Variants in COTL1 observed in about 807,000 individuals in gnomAD.
COTL1 encodes coactosin-like protein.
A neutral mutation model predicts 16.5 loss-of-function variants in COTL1; 15 were observed. The observed-to-expected ratio is 0.91, with a 90% CI of 0.61 to 1.40. The LOEUF (loss-of-function observed/expected upper bound fraction) is 1.40. Among genes scored for constraint, COTL1 ranks in the 40% most tolerant of loss-of-function variants. The pLI, the probability that COTL1 is intolerant of heterozygous loss-of-function variation, is 0.00. For synonymous variants in COTL1, 112 were observed against 85.3 expected (o/e 1.31, Z -1.73); for missense variants, 220 against 201.5 (o/e 1.09, Z -0.56).
At chr16:84,611,766 G>A (rs1425377369) in intron 2 of COTL1, among the ~76,000 whole-genome samples, 1 of 152,202 alleles carries the variant, frequency 6.6e-6, no homozygotes, top group African/African-American at 2.4e-5. Flanking sequence ...GTTTAGTCTT[G>A]CTTTATGAGT....
chr16:84,590,009 G>T lies in COTL1; in HGVS notation c.318+96C>A. 1 of 1,270,888 alleles carries T rather than the reference G, an allele frequency of 7.9e-7. No homozygotes were observed. Among genetic ancestry groups the T allele is most frequent in the Non-Finnish European group, 1.1e-6 (1 of 907,664 alleles). The allele number at this position is 1,270,888 out of a possible 1,614,324, so 78.7% of individuals were successfully genotyped here. ...ATGGCTTGTCCCAAGTCACAGCTAA[G>T]CTACAGACCCAGGAGTCGAACCCAG... On this transcript the variant is annotated intron_variant, in intron 3 of 3. Coordinates refer to ENST00000262428, the MANE Select transcript of COTL1 (RefSeq NM_021149.5). This position sits in a 1 kb window ranked among gnomAD's most constrained non-coding sequence, Gnocchi z 5.5.
chr16:84,611,662 A>T (rs1450448329), intron 2 of COTL1, among the ~76,000 whole-genome samples: 2 of 152,236 alleles, frequency 1.3e-5, no homozygotes, highest in African/African-American at 4.8e-5. Context: ...ATGAATAAAC[A>T]GGAGAATGAA....
chr16:84,572,553 T>C (rs1319167598), intron 3 of COTL1, among the ~76,000 whole-genome samples: 1 of 151,850 alleles, frequency 6.6e-6, no homozygotes, highest in Non-Finnish European at 1.5e-5. Context: ...CTCAACCTCC[T>C]AGGTTCAAGC....
chr16:84,581,754 C>G (rs1226467376), intron 3 of COTL1, among the ~76,000 whole-genome samples: 1 of 152,156 alleles, frequency 6.6e-6, no homozygotes, highest in Non-Finnish European at 1.5e-5. Context: ...ATCTACCCGC[C>G]TTGGCCTCCC....
intron 2 of COTL1, among the ~76,000 whole-genome samples, chr16:84,611,365 T>A (rs532210427): frequency 1.4e-4 from 21 of 152,374 alleles, no homozygotes; most frequent in Middle Eastern, 3.4e-3. Context: ...CGTAGCCATT[T>A]TTAAACTGGT....
intron 2 of COTL1, among the ~76,000 whole-genome samples, chr16:84,604,638 C>T (rs906457165): frequency 1.3e-5 from 2 of 152,048 alleles, no homozygotes; most frequent in East Asian, 1.9e-4. Flanking sequence ...CACACAGCAG[C>T]CAGGTTTGGC....
intron 3 of COTL1, chr16:84,576,281 G>GA (rs1904452392): frequency 6.6e-6 from 1 of 152,254 alleles, no homozygotes; most frequent in African/African-American, 2.4e-5. Context: ...CCAATGCAGA[G>GA]AATGTGGGTG....
intron 3 of COTL1, among the ~76,000 whole-genome samples, chr16:84,578,891 G>A (rs111210010): frequency 2.0e-5 from 3 of 148,750 alleles, no homozygotes; most frequent in Admixed American, 6.7e-5. Flanking sequence ...ACACACAGAC[G>A]CATGCACACA....
intron 3 of COTL1, among the ~76,000 whole-genome samples, chr16:84,584,301 G>A (rs1410032641): frequency 6.6e-6 from 1 of 152,244 alleles, no homozygotes; most frequent in African/African-American, 2.4e-5. Flanking sequence ...GTCTTGTTTT[G>A]TCTTGTTTTC....
chr16:84,578,081 T>C (rs1409194611), intron 3 of COTL1, among the ~76,000 whole-genome samples: 2 of 152,174 alleles, frequency 1.3e-5, no homozygotes, highest in Non-Finnish European at 2.9e-5. Flanking sequence ...AAATTAATCA[T>C]GGCACTTTCC....
chr16:84,609,174 G>A (rs560323286), intron 2 of COTL1, among the ~76,000 whole-genome samples: 4 of 152,310 alleles, frequency 2.6e-5, no homozygotes, highest in South Asian at 2.1e-4. Context: ...AAAACAGCAC[G>A]ATAAATAGAC....
intron 3 of COTL1, among the ~76,000 whole-genome samples, chr16:84,583,958 G>C (rs1012807129): frequency 6.6e-6 from 1 of 152,184 alleles, no homozygotes; most frequent in Non-Finnish European, 1.5e-5. Context: ...TCAATAAAAG[G>C]ATCAGGTGAA....
chr16:84,571,099 C>A (rs1327201196), intron 3 of COTL1, among the ~76,000 whole-genome samples: 1 of 152,202 alleles, frequency 6.6e-6, no homozygotes, highest in African/African-American at 2.4e-5. Context: ...TCCTGACATA[C>A]TGCCTCCAGG....
At chr16:84,570,970 T>C (rs1904326501) in intron 3 of COTL1, among the ~76,000 whole-genome samples, 1 of 151,368 alleles carries the variant, frequency 6.6e-6, no homozygotes, top group Non-Finnish European at 1.5e-5. Context: ...TTTTTTTTCC[T>C]TTTTTGCCTC....
intron 3 of COTL1, among the ~76,000 whole-genome samples, chr16:84,580,831 G>A (rs1363197733): frequency 6.6e-6 from 1 of 152,134 alleles, no homozygotes; most frequent in Non-Finnish European, 1.5e-5. Context: ...TTTCAATTGT[G>A]CAATTTGTGT....
At chr16:84,607,842 G>A (rs1001121267) in intron 2 of COTL1, among the ~76,000 whole-genome samples, 2 of 152,108 alleles carry the variant, frequency 1.3e-5, no homozygotes, top group East Asian at 1.9e-4. Flanking sequence ...GTAGATGCTC[G>A]AGAAATGTCC....
At chr16:84,617,627 T>C (rs373858893) in intron 1 of COTL1, 44 bp from the exon 2 acceptor site, 235 of 1,486,636 alleles carry the variant, frequency 1.6e-4, no homozygotes, top group Non-Finnish European at 2.1e-4. Context: ...ACATCAGCGC[T>C]GGTGGCCGCG....
At chr16:84,603,107 C>T (rs1432548690) in intron 2 of COTL1, among the ~76,000 whole-genome samples, 1 of 152,178 alleles carries the variant, frequency 6.6e-6, no homozygotes, top group Non-Finnish European at 1.5e-5. Flanking sequence ...CTCTCTGCCC[C>T]CCAGTTCCCC....
Position 84,578,544 on chromosome 16 carries a change from A to T in COTL1, c.318+11561T>A, listed in dbSNP as rs553562682. Among the ~76,000 whole-genome samples, 9 of 152,304 alleles carry T rather than the reference A, an allele frequency of 5.9e-5. No homozygotes were observed. The East Asian group carries it at 1.3e-3, about 23-fold the overall frequency. ...GCCAGCAGATCACAGGATTCACTCC[A>T]CGCCAGGGAACTCACCAGGTGGAGG... On this transcript the variant is annotated intron_variant, in intron 3 of 3. Coordinates refer to ENST00000262428, the MANE Select transcript of COTL1 (RefSeq NM_021149.5).
Sources: allele counts gnomAD v4.1 joint callset (sites outside exome capture counted in the v4.1 genomes callset), GRCh38; gene constraint gnomAD v4.1.1; non-coding constraint Gnocchi (gnomAD v3.1); transcripts MANE v1.5; gene names NCBI Gene and HGNC (gene_info 2026-07-23, HGNC 2026-07-21).